LRRC57: variants seen among roughly 807,000 people sequenced by gnomAD.
The protein encoded by LRRC57 is leucine rich repeat containing 57.
A neutral mutation model predicts 23.1 loss-of-function variants in LRRC57; 14 were observed. That is an observed-to-expected ratio of 0.61 (90% CI 0.40 to 0.95). The LOEUF is 0.95. LRRC57 is among the 40% of genes least tolerant of loss of function. The pLI is 0.00. For synonymous variants in LRRC57, 106 were observed against 115.2 expected (o/e 0.92, Z 0.51); for missense variants, 236 against 284.4 (o/e 0.83, Z 1.22).
downstream of LRRC57, among the ~76,000 whole-genome samples, chr15:42,533,365 G>A (rs988255745): frequency 6.6e-6 from 1 of 152,208 alleles, no homozygotes; most frequent in African/African-American, 2.4e-5. Context: ...ACTCACTGGA[G>A]AAGATACAGT....
At chr15:42,535,076 T>C (rs886519966), downstream of LRRC57, among the ~76,000 whole-genome samples, 1 of 152,248 alleles carries the variant, frequency 6.6e-6, no homozygotes, top group African/African-American at 2.4e-5. Flanking sequence ...TCTCTAGCTA[T>C]GGGAGTCCTA....
rs773143502 is a variant in LRRC57 at position 42,548,460 on chromosome 15, C to A, written c.-22-4G>T. On this transcript the variant is annotated splice_polypyrimidine_tract_variant and splice_region_variant and intron_variant, in intron 1 of 5. Coordinates refer to ENST00000397130, the MANE Select transcript of LRRC57 (RefSeq NM_153260.3). ...CCTAGCGCCGCGGCTCAGGTCCCTG[C>A]GGGAAGGAAGCGCTGCTGTCACCGC... 11 of 1,610,598 alleles carry A rather than the reference C, an allele frequency of 6.8e-6. No homozygotes were observed. Among genetic ancestry groups the A allele is most frequent in the African/African-American group, 2.7e-5 (2 of 74,896 alleles).
rs1184321091 is a variant in LRRC57, at chr15:42,539,080, C to T, written c.*5003G>A. The T allele has an allele frequency of 6.6e-6, 1 of 152,038 alleles. No individual in the cohort carries two copies. The highest frequency in any genetic ancestry group is 1.5e-5 in the Non-Finnish European group (1 of 68,038). The allele number at this position is 152,038 out of a possible 1,614,324, so 9.4% of individuals were successfully genotyped here. ...CCTGTAGCTCCAGCTACTTAAGAGG[C>T]TGAGGTGGGAGGAGATAGCTTGAGC... On this transcript the variant is annotated 3_prime_UTR_variant, in exon 6 of 6. Coordinates refer to ENST00000397130, the MANE Select transcript of LRRC57 (RefSeq NM_153260.3).
At chr15:42,531,120 A>G in the LRRC57 span, among the ~76,000 whole-genome samples, 1 of 152,216 alleles carries the variant, frequency 6.6e-6, no homozygotes, top group East Asian at 1.9e-4. Context: ...AAAAAATGCC[A>G]TTGATTACAG....
chr15:42,547,340 A>T lies in LRRC57; in HGVS notation c.413T>A (p.Leu138His). Residue 138 changes from leucine to histidine, a missense_variant, in exon 4 of 6, where the codon CTC becomes CAC. Coordinates refer to ENST00000397130, the MANE Select transcript of LRRC57 (RefSeq NM_153260.3). ...TATACTTCGAATCTGGTTCTTAGAG[A>T]GATCCATCACATCCAGGTGCCGTAG... ...CSLRHLDVMD[L>H]SKNQIRSIPD... 6.2e-7 allele frequency: 1 copy of T among 1,614,222 alleles called. No individual in the cohort carries two copies.
chr15:42,536,283 ACTGT>A (rs1237751969), downstream of LRRC57, among the ~76,000 whole-genome samples: 5 of 152,342 alleles, frequency 3.3e-5, no homozygotes, highest in African/African-American at 1.2e-4. Flanking sequence ...GTTGCTACAA[ACTGT>A]CTATTTGTGA....
intron 2 of LRRC57, 50 bp from the exon 3 acceptor site, chr15:42,548,294 C>T (rs1312304474): frequency 9.9e-6 from 16 of 1,613,624 alleles, no homozygotes; most frequent in Non-Finnish European, 1.3e-5. Flanking sequence ...ACTAAGTTCG[C>T]CGCCCCCGCC....
At chr15:42,529,629 T>C in the LRRC57 span, 2 of 1,590,762 alleles carry the variant, frequency 1.3e-6, no homozygotes, top group Non-Finnish European at 8.5e-7. Flanking sequence ...CAGACTTTTA[T>C]TTAAATTCAA....
the LRRC57 span, among the ~76,000 whole-genome samples, chr15:42,529,125 A>G: frequency 1.3e-5 from 2 of 152,222 alleles, no homozygotes; most frequent in African/African-American, 4.8e-5. Flanking sequence ...GCAATTACTC[A>G]ACTCTGTTGT....
Position 42,547,245 on chromosome 15 carries a change from C to A in LRRC57, c.492+16G>T, listed in dbSNP as rs757295378. 1 of 1,609,556 alleles carries A rather than the reference C, an allele frequency of 6.2e-7. No homozygotes were observed. Among genetic ancestry groups the A allele is most frequent in the Non-Finnish European group, 8.5e-7 (1 of 1,177,726 alleles). On this transcript the variant is annotated intron_variant, in intron 4 of 5. Transcript: ENST00000397130. ...CACACATATGCTGTAGGAAAAAAAA[C>A]CTTAAAGCTCTAGACCTGATTCTGG...
chr15:42,529,419 T>A, the LRRC57 span, among the ~76,000 whole-genome samples: 2 of 152,164 alleles, frequency 1.3e-5, no homozygotes, highest in African/African-American at 4.8e-5. Flanking sequence ...GCTTCCCAGG[T>A]GATGCTGGGA....
downstream of LRRC57, among the ~76,000 whole-genome samples, chr15:42,533,655 C>G (rs1470938397): frequency 6.6e-6 from 1 of 152,184 alleles, no homozygotes; most frequent in South Asian, 2.1e-4. Flanking sequence ...GAAGCATGGG[C>G]TGAGGCATTA....
chr15:42,531,531 A>G, the LRRC57 span: 1 of 1,377,650 alleles, frequency 7.3e-7, no homozygotes, highest in Non-Finnish European at 1.0e-6. Context: ...TCCTCCTTGA[A>G]AGTTATTACC....
rs1215239790 is a variant in LRRC57, at chr15:42,542,548, T to C, written c.*1535A>G. On this transcript the variant is annotated 3_prime_UTR_variant, in exon 6 of 6. Transcript: ENST00000397130. ...TCATTAAAAAATTCTTTATTTAGTA[T>C]ATTCTGTCACTCAGAGAGTAAGCTT... The C allele has an allele frequency of 6.6e-6, 1 of 152,644 alleles. No individual in the cohort carries two copies. The highest frequency in any genetic ancestry group is 1.5e-5 in the Non-Finnish European group (1 of 68,038). 9.5% of individuals were successfully genotyped at this position (152,644 alleles called of 1,614,324 possible). A position where few individuals can be genotyped will look rare whatever the true frequency, so the allele number is the denominator to read the frequency against.
chr15:42,544,842 C>CAATATATATATATATA lies in LRRC57; in HGVS notation c.678+234_678+235insTATATATATATATATT. 6.6e-4 allele frequency among the ~76,000 whole-genome samples: 65 copies of CAATATATATATATATA among 97,958 alleles called. 3 individuals carry two copies. Among genetic ancestry groups the CAATATATATATATATA allele is most frequent in the Non-Finnish European group, 9.3e-4 (48 of 51,878 alleles). 64.3% of individuals were successfully genotyped at this position (97,958 alleles called of 152,430 possible). ...ACACACACACACACACACACACACA[C>CAATATATATATATATA]TATATATATATATATATCAAAAGAC... On this transcript the variant is annotated intron_variant, in intron 5 of 5. Coordinates refer to ENST00000397130, the MANE Select transcript of LRRC57 (RefSeq NM_153260.3).
At chr15:42,547,824 C>G in intron 3 of LRRC57, 1 of 546,452 alleles carries the variant, frequency 1.8e-6, no homozygotes, top group Admixed American at 3.5e-5. Flanking sequence ...CTCATCCATC[C>G]CCCATTCCAA....
chr15:42,547,111 G>A, intron 4 of LRRC57, 150 bp downstream of exon 4: 1 of 832,526 alleles, frequency 1.2e-6, no homozygotes. Flanking sequence ...TTTGGGCCTT[G>A]AAATTAGTTC....
At chr15:42,547,128 T>C (rs771018225) in intron 4 of LRRC57, 133 bp downstream of exon 4, 186 of 971,714 alleles carry the variant, frequency 1.9e-4, no homozygotes, top group Non-Finnish European at 2.7e-4. Flanking sequence ...GTTCAGCCTA[T>C]AGAAGAAACC....
At chr15:42,546,766 T>G (rs556087525) in intron 4 of LRRC57, among the ~76,000 whole-genome samples, 63 of 152,302 alleles carry the variant, frequency 4.1e-4, no homozygotes, top group African/African-American at 1.4e-3. Context: ...ATGGGCTATC[T>G]CCAGAAAGCC....
Sources: allele counts gnomAD v4.1 joint callset (sites outside exome capture counted in the v4.1 genomes callset), GRCh38; gene constraint gnomAD v4.1.1; transcripts MANE v1.5; gene names NCBI Gene and HGNC (gene_info 2026-07-23, HGNC 2026-07-21).